The following MDGA2 variants were observed in gnomAD, a reference collection of about 807,000 sequenced individuals.
MDGA2 encodes the protein MAM domain containing glycosylphosphatidylinositol anchor 2, also known as MAM domain-containing glycosylphosphatidylinositol anchor protein 2.
Under a neutral mutation model 117.8 loss-of-function variants are expected in MDGA2, and 40 were observed. That is an observed-to-expected ratio of 0.34 (90% CI 0.26 to 0.44). The LOEUF is 0.44. Among genes scored for constraint, MDGA2 ranks in the 20% least tolerant of loss-of-function variants. The pLI is 1.00. For synonymous variants in MDGA2, 452 were observed against 439.0 expected (o/e 1.03, Z -0.37); for missense variants, 1,123 against 1,250.6 (o/e 0.90, Z 1.54).
At position 46,844,871 on chromosome 14, in the gene MDGA2, T is replaced by TTTATTATTATTATTATTA. The variant is rs58606602; in HGVS notation, c.2989+877_2989+894dup. Among the ~76,000 whole-genome samples the TTTATTATTATTATTATTA allele has an allele frequency of 1.4e-4, 21 of 151,422 alleles. 2 individuals carry two copies. The South Asian group carries it at 4.4e-3, about 32-fold the overall frequency. ...TGAGTTTTCACTAGATCTGATGATT[T>TTTATTATTATTATTATTA]TTATTATTATTATTATTATTATGTT... On this transcript the variant is annotated intron_variant, in intron 16 of 16. Transcript: ENST00000399232.
chr14:47,416,011 T>C (rs1240063825), intron 1 of MDGA2, among the ~76,000 whole-genome samples: 1 of 152,232 alleles, frequency 6.6e-6, no homozygotes, highest in Non-Finnish European at 1.5e-5. Flanking sequence ...CAGATCATAC[T>C]ATTCCATCTC....
chr14:47,454,193 T>A (rs1893299643), intron 1 of MDGA2, among the ~76,000 whole-genome samples: 1 of 152,212 alleles, frequency 6.6e-6, no homozygotes, highest in Non-Finnish European at 1.5e-5. Flanking sequence ...ACACTTCATC[T>A]CATCCAGGGA....
intron 1 of MDGA2, 62 bp from the exon 2 acceptor site, chr14:47,301,612 G>A (rs1437796044): frequency 6.6e-7 from 1 of 1,521,466 alleles, no homozygotes; most frequent in African/African-American, 1.4e-5. Context: ...ATCTTCTCAT[G>A]AACCATCTTG....
intron 7 of MDGA2, among the ~76,000 whole-genome samples, chr14:47,060,416 T>C (rs756612810): frequency 5.9e-5 from 9 of 152,114 alleles, no homozygotes; most frequent in Non-Finnish European, 1.2e-4. Flanking sequence ...CATTTGTCTC[T>C]ATGTTTTCAA....
intron 1 of MDGA2, among the ~76,000 whole-genome samples, chr14:47,594,629 G>A (rs1171443614): frequency 6.6e-6 from 1 of 152,224 alleles, no homozygotes; most frequent in Non-Finnish European, 1.5e-5. Flanking sequence ...ATTCTCAGAA[G>A]TCAGAAACAA....
At position 47,035,168 on chromosome 14, in the gene MDGA2, T is replaced by C. The variant is rs767902475; in HGVS notation, c.1662A>G (p.Ala554=). 25 of 1,614,052 alleles carry C rather than the reference T, an allele frequency of 1.5e-5. No homozygotes were observed. In the Admixed American group the frequency reaches 2.0e-4, roughly 13 times the overall value. The change falls in exon 8 of 17, where the codon GCA becomes GCG. Residue 554 remains alanine, a synonymous_variant. Transcript: ENST00000399232. ...ILWSRADKEV[A]MPDGSMQMES... Reference sequence around the variant, plus strand: ...CCATTTGCATTGATCCATCAGGCATTGCAACTTCTTTATCCGCTCTAGACC... The same window carrying C: ...CCATTTGCATTGATCCATCAGGCATCGCAACTTCTTTATCCGCTCTAGACC...
chr14:47,298,086 C>A (rs904460075), intron 2 of MDGA2, among the ~76,000 whole-genome samples: 2 of 151,952 alleles, frequency 1.3e-5, no homozygotes, highest in African/African-American at 2.4e-5. Context: ...CAAAAGGATT[C>A]TATGATATAA....
intron 8 of MDGA2, among the ~76,000 whole-genome samples, chr14:47,000,433 A>C (rs1433352376): frequency 7.0e-6 from 1 of 142,070 alleles, no homozygotes; most frequent in Non-Finnish European, 1.5e-5. Flanking sequence ...ATATAAATAT[A>C]TATACATATA....
chr14:47,415,040 C>G (rs1892446798), intron 1 of MDGA2, among the ~76,000 whole-genome samples: 3 of 151,712 alleles, frequency 2.0e-5, no homozygotes, highest in Admixed American at 1.3e-4. Flanking sequence ...TTTAGTTCAC[C>G]CATTTCCTTT....
intron 2 of MDGA2, among the ~76,000 whole-genome samples, chr14:47,300,342 T>C (rs1391079718): frequency 6.6e-6 from 1 of 152,236 alleles, no homozygotes; most frequent in African/African-American, 2.4e-5. Context: ...AGTAAGGTCA[T>C]TGACAATAAG....
At chr14:47,626,999 G>T (rs1355398133) in intron 1 of MDGA2, among the ~76,000 whole-genome samples, 1 of 152,256 alleles carries the variant, frequency 6.6e-6, no homozygotes, top group Non-Finnish European at 1.5e-5. Context: ...GAATCTTTGT[G>T]TCTAGCTAAG....
At chr14:47,579,680 T>C (rs953118659) in intron 1 of MDGA2, among the ~76,000 whole-genome samples, 4 of 152,014 alleles carry the variant, frequency 2.6e-5, no homozygotes, top group Non-Finnish European at 4.4e-5. Context: ...AAATGAAATA[T>C]GTGTTCTCTT....
intron 4 of MDGA2, among the ~76,000 whole-genome samples, chr14:47,141,183 T>C (rs545068490): frequency 2.6e-5 from 4 of 152,296 alleles, no homozygotes; most frequent in African/African-American, 9.6e-5. Flanking sequence ...GGAACACTTA[T>C]ACACTGTTGG....
chr14:47,640,137 G>A (rs1439068227), intron 1 of MDGA2, among the ~76,000 whole-genome samples: 3 of 152,116 alleles, frequency 2.0e-5, no homozygotes, highest in Non-Finnish European at 4.4e-5. Flanking sequence ...TGGTCACAAC[G>A]TAAGTCATAT....
intron 1 of MDGA2, among the ~76,000 whole-genome samples, chr14:47,525,236 T>C (rs116798045): frequency 0.014 from 2,192 of 152,338 alleles, 42 homozygotes; most frequent in African/African-American, 0.049. Context: ...TACTCGTTTC[T>C]GGTTTAACGT....
intron 1 of MDGA2, among the ~76,000 whole-genome samples, chr14:47,436,983 A>G (rs561081769): frequency 6.1e-4 from 93 of 152,282 alleles, no homozygotes; most frequent in African/African-American, 2.2e-3. Flanking sequence ...CCATTCTGCA[A>G]TGTAGTTTTT....
At chr14:46,991,482 T>TTAAG (rs58503022) in intron 8 of MDGA2, among the ~76,000 whole-genome samples, 2,727 of 152,228 alleles carry the variant, frequency 0.018, 74 homozygotes, top group African/African-American at 0.062. Context: ...CATTTGTGTC[T>TTAAG]TAAGAGTCAA....
intron 1 of MDGA2, among the ~76,000 whole-genome samples, chr14:47,504,783 C>T (rs556467312): frequency 4.6e-5 from 7 of 152,220 alleles, no homozygotes; most frequent in East Asian, 3.9e-4. Flanking sequence ...GAAAACAGTA[C>T]GGAAGTTCCA....
intron 1 of MDGA2, among the ~76,000 whole-genome samples, chr14:47,352,335 A>C (rs1890901749): frequency 6.6e-6 from 1 of 151,988 alleles, no homozygotes. Context: ...CCAAACTCCA[A>C]CCCCTTCCAC....
Sources: allele counts gnomAD v4.1 joint callset (sites outside exome capture counted in the v4.1 genomes callset), GRCh38; gene constraint gnomAD v4.1.1; transcripts MANE v1.5; gene names NCBI Gene and HGNC (gene_info 2026-07-23, HGNC 2026-07-21).